Variants in DPF3 observed in about 807,000 individuals in gnomAD.
The protein encoded by DPF3 is double PHD fingers 3, also known as zinc finger protein DPF3.
A neutral mutation model predicts 56.8 loss-of-function variants in DPF3; 18 were observed. The ratio of observed to expected loss-of-function variants is 0.32; its 90% CI spans 0.22 to 0.47. The LOEUF (loss-of-function observed/expected upper bound fraction) is 0.47. Among genes scored for constraint, DPF3 ranks in the 20% least tolerant of loss-of-function variants. The pLI is 1.00. For missense variants in DPF3, 403 were observed against 488.8 expected (o/e 0.82, Z 1.65); for synonymous variants, 188 against 180.2 (o/e 1.04, Z -0.35).
chr14:72,879,528 G>T (rs1261105796), intron 1 of DPF3, among the ~76,000 whole-genome samples: 1 of 152,200 alleles, frequency 6.6e-6, no homozygotes, highest in African/African-American at 2.4e-5. Context: ...GGTGTGGCCA[G>T]TTCTACCTGA....
chr14:72,674,312 C>G lies in DPF3; in HGVS notation c.799G>C (p.Gly267Arg). Residue 267 changes from glycine to arginine, a missense_variant, in exon 8 of 11, where the codon GGG becomes CGG. Physicochemically the swap from Gly to Arg is moderately radical, Grantham distance 125 (BLOSUM62 -2). Coordinates refer to ENST00000556509, the MANE Select transcript of DPF3 (RefSeq NM_001280542.3). ...IPNNYCDFCL[G>R]GSNMNKKSGR... Reference sequence around the variant, plus strand: ...CTCTTCTTGTTCATGTTGGAGCCCCCCAAGCAGAAGTCACAGTAGTTATTG... The same window carrying G: ...CTCTTCTTGTTCATGTTGGAGCCCCGCAAGCAGAAGTCACAGTAGTTATTG... The G allele has an allele frequency of 6.2e-7, 1 of 1,612,624 alleles. No homozygotes were observed. The highest frequency in any genetic ancestry group is 1.7e-5 in the Admixed American group (1 of 59,854).
At chr14:72,805,386 C>G (rs1336930574) in intron 1 of DPF3, among the ~76,000 whole-genome samples, 1 of 151,994 alleles carries the variant, frequency 6.6e-6, no homozygotes, top group Non-Finnish European at 1.5e-5. Flanking sequence ...AGGAGAATCA[C>G]TTGAACCCAG....
At chr14:72,707,368 T>C (rs1423031401) in intron 6 of DPF3, among the ~76,000 whole-genome samples, 1 of 152,110 alleles carries the variant, frequency 6.6e-6, no homozygotes, top group Non-Finnish European at 1.5e-5. Flanking sequence ...GGTCAAATGG[T>C]ATTTCTAGTT....
intron 7 of DPF3, among the ~76,000 whole-genome samples, chr14:72,682,729 CCA>C (rs1239162420): frequency 1.3e-5 from 2 of 152,176 alleles, no homozygotes; most frequent in Non-Finnish European, 2.9e-5. Flanking sequence ...AATCAAGAGA[CCA>C]CAGAGTCTTG....
chr14:72,630,916 G>A lies in DPF3; in HGVS notation c.872-1180C>T, dbSNP rs536795861. 1.8e-4 allele frequency among the ~76,000 whole-genome samples: 28 copies of A among 152,252 alleles called. No homozygotes were observed. In the South Asian group the frequency reaches 3.1e-3, roughly 17 times the overall value. On this transcript the variant is annotated intron_variant, in intron 8 of 10. Coordinates refer to ENST00000556509, the MANE Select transcript of DPF3 (RefSeq NM_001280542.3). ...GGGGACACCAATCATGGTTAGCACCGCCAACCTAGTATCCTCCACAGACAG... is the reference window on the plus strand; with the variant it reads ...GGGGACACCAATCATGGTTAGCACCACCAACCTAGTATCCTCCACAGACAG...
chr14:72,731,240 T>A lies in DPF3; in HGVS notation c.429+567A>T, dbSNP rs143670245. Among the ~76,000 whole-genome samples the A allele has an allele frequency of 2.6e-4, 39 of 151,866 alleles. No homozygotes were observed. The East Asian group carries it at 7.0e-3, about 27-fold the overall frequency. On this transcript the variant is annotated intron_variant, in intron 4 of 10. Transcript: ENST00000556509. The stretch of plus-strand genomic sequence containing the variant: ...CCTTATAATCCTATTCAGTGAGAGT[T>A]TTAGAAGTGGCATGGATAGAGGGTA...
At chr14:72,839,650 C>T (rs1327494860) in intron 1 of DPF3, among the ~76,000 whole-genome samples, 1 of 152,344 alleles carries the variant, frequency 6.6e-6, no homozygotes, top group East Asian at 1.9e-4. Context: ...CCCTACTTTG[C>T]TGTGCAGCCC....
chr14:72,681,944 C>G (rs929280267), intron 7 of DPF3, among the ~76,000 whole-genome samples: 1 of 152,168 alleles, frequency 6.6e-6, no homozygotes, highest in African/African-American at 2.4e-5. Flanking sequence ...GTCGGATATG[C>G]TGGCTCACGC....
rs773013640 is a variant in DPF3, at chr14:72,612,614, G to C, written c.*6683C>G. The C allele has an allele frequency of 1.9e-6, 1 of 518,900 alleles. No individual in the cohort carries two copies. The highest frequency in any genetic ancestry group is 1.4e-5 in the South Asian group (1 of 71,578). 32.1% of individuals were successfully genotyped at this position (518,900 alleles called of 1,614,324 possible). On this transcript the variant is annotated 3_prime_UTR_variant, in exon 11 of 11. Transcript: ENST00000556509. ...GTGCAGGGAAGGGAGAGGGCAGGAG[G>C]AGAATCAGGGTCTCAGTGGGGAGTA...
chr14:72,668,872 AAG>A (rs559707817), intron 8 of DPF3, among the ~76,000 whole-genome samples: 366 of 152,356 alleles, frequency 2.4e-3, no homozygotes, highest in Non-Finnish European at 3.9e-3. Context: ...GTACAGAGTA[AAG>A]AGGTGGAAAA....
At chr14:72,697,664 A>G (rs981601843) in intron 6 of DPF3, among the ~76,000 whole-genome samples, 1 of 152,188 alleles carries the variant, frequency 6.6e-6, no homozygotes, top group South Asian at 2.1e-4. Flanking sequence ...GCAGACTGAC[A>G]TGTTAGAAAT....
intron 3 of DPF3, among the ~76,000 whole-genome samples, chr14:72,737,760 G>A (rs983253003): frequency 2.6e-5 from 4 of 152,158 alleles, no homozygotes; most frequent in South Asian, 2.1e-4. Context: ...GAAACACCCC[G>A]ACAAGGCGCA....
intron 2 of DPF3, among the ~76,000 whole-genome samples, chr14:72,761,000 A>T (rs1210551988): frequency 2.0e-5 from 3 of 152,110 alleles, no homozygotes; most frequent in Non-Finnish European, 4.4e-5. Context: ...TTATTTTATA[A>T]TGATAAAGGA....
chr14:72,698,217 G>T (rs1887993806), intron 6 of DPF3, among the ~76,000 whole-genome samples: 1 of 152,182 alleles, frequency 6.6e-6, no homozygotes, highest in Non-Finnish European at 1.5e-5. Context: ...GCTTTACAAT[G>T]GTGTGAAAGC....
chr14:72,865,663 A>T (rs1241548179), intron 1 of DPF3, among the ~76,000 whole-genome samples: 12 of 152,232 alleles, frequency 7.9e-5, no homozygotes. Context: ...CTGAAACCAC[A>T]GGGGGGTAAG....
intron 1 of DPF3, among the ~76,000 whole-genome samples, chr14:72,788,453 TGTGGGTG>T (rs1567232944): frequency 6.6e-6 from 1 of 152,036 alleles, no homozygotes; most frequent in Non-Finnish European, 1.5e-5. Context: ...GCAGAGTCAC[TGTGGGTG>T]GAGGGAGAGC....
intron 5 of DPF3, among the ~76,000 whole-genome samples, chr14:72,720,878 A>AT (rs890493644): frequency 2.0e-4 from 31 of 152,062 alleles, no homozygotes; most frequent in African/African-American, 4.3e-4. Flanking sequence ...CCAGCAGCAC[A>AT]TTTTTTTTAA....
intron 6 of DPF3, among the ~76,000 whole-genome samples, chr14:72,712,732 T>C (rs373119230): frequency 1.3e-5 from 2 of 152,204 alleles, no homozygotes; most frequent in East Asian, 3.9e-4. Flanking sequence ...CCAAGCATAG[T>C]GGCATGGGCC....
intron 1 of DPF3, among the ~76,000 whole-genome samples, chr14:72,813,901 T>C (rs972849138): frequency 6.6e-6 from 1 of 152,114 alleles, no homozygotes; most frequent in Non-Finnish European, 1.5e-5. Context: ...CCATAATCAG[T>C]GTGGGAAGGA....
Sources: gnomAD v4.1 joint callset for allele counts (sites outside exome capture counted in the v4.1 genomes callset) on GRCh38, gnomAD v4.1.1 for gene constraint, MANE v1.5 for transcripts, NCBI Gene and HGNC (gene_info 2026-07-23, HGNC 2026-07-21) for gene names.